The following CCDC88C variants were observed in gnomAD, a reference collection of about 807,000 sequenced individuals.
CCDC88C encodes protein Daple.
CCDC88C carries 131 observed loss-of-function variants against 198.8 expected under a neutral mutation model. That is an observed-to-expected ratio of 0.66 (90% CI 0.57 to 0.76). CCDC88C has a LOEUF of 0.76. Ranked by LOEUF, CCDC88C falls within the 30% of genes least tolerant of loss-of-function variation. CCDC88C has a pLI of 0.00. For synonymous variants in CCDC88C, 1,166 were observed against 1,114.7 expected (o/e 1.05, Z -0.92); for missense variants, 2,553 against 2,631.6 (o/e 0.97, Z 0.65).
intron 23 of CCDC88C, among the ~76,000 whole-genome samples, chr14:91,293,455 CACCTTCCCATCCTCACCTGCCACAGCT>C (rs1567055408): frequency 1.4e-4 from 21 of 145,574 alleles, no homozygotes; most frequent in Non-Finnish European, 2.3e-4. Context: ...TGCCACGGTC[CACCTTCCCATCCTCACCTGCCACAGCT>C]CACCTTCCCA....
intron 14 of CCDC88C, 91 bp downstream of exon 14, chr14:91,315,559 C>A: frequency 1.4e-6 from 2 of 1,418,782 alleles, no homozygotes; most frequent in South Asian, 2.5e-5. Context: ...ATCCATGCAT[C>A]CACAATACAG....
chr14:91,417,490 C>T (rs1282380373), intron 1 of CCDC88C, 141 bp downstream of exon 1: 1 of 666,106 alleles, frequency 1.5e-6, no homozygotes, highest in African/African-American at 1.9e-5. Context: ...CGGCCCCAAC[C>T]CCGGCCGGGA....
chr14:91,290,868 G>T, intron 24 of CCDC88C, 127 bp downstream of exon 24: 1 of 634,366 alleles, frequency 1.6e-6, no homozygotes. Context: ...AACTCTCTCT[G>T]ATGTGGGAGG....
At chr14:91,312,334 G>A (rs60962246) in intron 15 of CCDC88C, among the ~76,000 whole-genome samples, 3,147 of 152,240 alleles carry the variant, frequency 0.021, 119 homozygotes, top group African/African-American at 0.072. Context: ...CCTGCAGTGA[G>A]CTGGGGTCAC....
intron 3 of CCDC88C, among the ~76,000 whole-genome samples, chr14:91,392,653 AC>A (rs1403773151): frequency 1.3e-5 from 2 of 152,114 alleles, no homozygotes; most frequent in African/African-American, 4.8e-5. Context: ...CAGCCCGAGG[AC>A]CTGGCCCTTT....
At chr14:91,380,338 G>T (rs1208809195) in intron 3 of CCDC88C, among the ~76,000 whole-genome samples, 1 of 152,192 alleles carries the variant, frequency 6.6e-6, no homozygotes, top group Non-Finnish European at 1.5e-5. Flanking sequence ...CAAGAACACA[G>T]TGCTGGTGTA....
chr14:91,372,325 C>T (rs1288038264), intron 3 of CCDC88C, among the ~76,000 whole-genome samples: 1 of 151,786 alleles, frequency 6.6e-6, no homozygotes, highest in African/African-American at 2.4e-5. Context: ...CAGGCCCTGT[C>T]CTGGGGAGCT....
chr14:91,303,827 T>G lies in CCDC88C; in HGVS notation c.3509A>C (p.Asp1170Ala), dbSNP rs747679541. The G allele has an allele frequency of 6.2e-7, 1 of 1,613,348 alleles. No homozygotes were observed. The highest frequency in any genetic ancestry group is 8.5e-7 in the Non-Finnish European group (1 of 1,179,906). ...LTAAYEALLQDHEHLGTLHER... is the reference protein window; with the variant it reads ...LTAAYEALLQAHEHLGTLHER... ...GTGCAGCGTGCCCAGGTGCTCGTGG[T>G]CCTGCAGCAGGGCCTCGTAGGCCGC... The change falls in exon 20 of 30, where the codon GAC (aspartate) becomes GCC (alanine). Residue 1170 changes from aspartate (D) to alanine (A), a missense_variant. By Grantham distance (126) the Asp-to-Ala change is moderately radical. Around this residue, in one of 2 missense-constraint regions of CCDC88C, gnomAD observed 1,293 missense variants for 1,219.6 expected, o/e 1.06. Transcript: ENST00000389857.
intron 2 of CCDC88C, among the ~76,000 whole-genome samples, chr14:91,415,721 CA>C (rs199871521): frequency 2.3e-3 from 256 of 111,720 alleles, no homozygotes; most frequent in Middle Eastern, 4.8e-3. Flanking sequence ...ACTCCGTCTC[CA>C]AAAAAAAAAA....
intron 3 of CCDC88C, among the ~76,000 whole-genome samples, chr14:91,366,185 CACACACACACACACACAG>C (rs1400987771): frequency 9.7e-5 from 14 of 144,036 alleles, no homozygotes; most frequent in African/African-American, 3.8e-4. Context: ...CACACACACA[CACACACACACACACACAG>C]GGCTGGGCAT....
chr14:91,401,605 G>T (rs956172330), intron 3 of CCDC88C, among the ~76,000 whole-genome samples: 1 of 151,920 alleles, frequency 6.6e-6, no homozygotes, highest in Non-Finnish European at 1.5e-5. Flanking sequence ...AAAGTGCTGG[G>T]ATTACAGGCG....
At chr14:91,314,918 C>G (rs937597247) in intron 14 of CCDC88C, among the ~76,000 whole-genome samples, 3 of 152,230 alleles carry the variant, frequency 2.0e-5, no homozygotes, top group Non-Finnish European at 4.4e-5. Context: ...GGGAGGATCA[C>G]TTGAGCCCAG....
chr14:91,275,680 T>G (rs1379921061), intron 29 of CCDC88C, among the ~76,000 whole-genome samples: 1 of 152,010 alleles, frequency 6.6e-6, no homozygotes, highest in African/African-American at 2.4e-5. Context: ...GGTTTCATTG[T>G]ATCTTTAGTA....
intron 3 of CCDC88C, among the ~76,000 whole-genome samples, chr14:91,402,585 A>C (rs898458200): frequency 6.6e-6 from 1 of 152,224 alleles, no homozygotes; most frequent in Non-Finnish European, 1.5e-5. Context: ...CAAGCGGATA[A>C]AAGTGTTAAG....
chr14:91,304,346 G>A (rs149968463), intron 19 of CCDC88C, among the ~76,000 whole-genome samples: 87 of 152,338 alleles, frequency 5.7e-4, no homozygotes, highest in African/African-American at 2.0e-3. Flanking sequence ...ACTTCAGGAA[G>A]CAGAAGCAGG....
At chr14:91,307,944 G>A (rs1280106861) in intron 17 of CCDC88C, among the ~76,000 whole-genome samples, 4 of 152,212 alleles carry the variant, frequency 2.6e-5, no homozygotes, top group Admixed American at 1.3e-4. Context: ...TGGCAAATAC[G>A]TGTGCATGCA....
chr14:91,410,899 TACATCGTGG>T (rs1024393416), intron 2 of CCDC88C, among the ~76,000 whole-genome samples: 7 of 152,184 alleles, frequency 4.6e-5, no homozygotes, highest in Non-Finnish European at 1.0e-4. Context: ...AGCCTCAGTA[TACATCGTGG>T]ACATCTCCAG....
At chr14:91,355,916 T>C (rs986554467) in intron 4 of CCDC88C, among the ~76,000 whole-genome samples, 3 of 152,114 alleles carry the variant, frequency 2.0e-5, no homozygotes, top group Non-Finnish European at 4.4e-5. Flanking sequence ...CTTGTGATGC[T>C]ATGTGCCCAA....
At chr14:91,375,446 C>G (rs1346013733) in intron 3 of CCDC88C, among the ~76,000 whole-genome samples, 1 of 151,900 alleles carries the variant, frequency 6.6e-6, no homozygotes, top group African/African-American at 2.4e-5. Flanking sequence ...TCCTTTTTTC[C>G]TTTAAGTAGG....
Sources: allele counts gnomAD v4.1 joint callset (sites outside exome capture counted in the v4.1 genomes callset), GRCh38; gene constraint gnomAD v4.1.1; regional missense constraint gnomAD v4.1.1; transcripts MANE v1.5; gene names NCBI Gene and HGNC (gene_info 2026-07-23, HGNC 2026-07-21).